Variants in RBFOX1 observed in about 807,000 individuals in gnomAD.
RBFOX1 encodes the protein RNA binding protein fox-1 homolog 1.
Under a neutral mutation model 57.7 loss-of-function variants are expected in RBFOX1, and 8 were observed. The observed-to-expected ratio is 0.14, with a 90% CI of 0.08 to 0.25. The LOEUF (loss-of-function observed/expected upper bound fraction) is 0.25, where lower values mean the gene tolerates loss of function less well. Ranked by LOEUF, RBFOX1 falls within the 10% of genes least tolerant of loss-of-function variation. RBFOX1 has a pLI of 1.00. For synonymous variants in RBFOX1, 326 were observed against 222.4 expected, an observed-to-expected ratio of 1.47 and a Z score of -4.15; for missense variants, 611 against 548.5, an observed-to-expected ratio of 1.11 and a Z score of -1.14.
chr16:5,979,237 A>T (rs563191903), intron 4 of RBFOX1, among the ~76,000 whole-genome samples: 1 of 152,256 alleles, frequency 6.6e-6, no homozygotes, highest in East Asian at 1.9e-4. Context: ...ACGTTTCTGG[A>T]ATGGAGGATT....
chr16:6,226,747 T>G (rs754115869), intron 1 of RBFOX1, among the ~76,000 whole-genome samples: 20 of 152,236 alleles, frequency 1.3e-4, no homozygotes, highest in Non-Finnish European at 2.2e-4. Context: ...CTCACTTTCT[T>G]TCATCTTTAA....
At chr16:7,244,926 C>T (rs2094226935) in intron 4 of RBFOX1, among the ~76,000 whole-genome samples, 1 of 152,166 alleles carries the variant, frequency 6.6e-6, no homozygotes, top group Non-Finnish European at 1.5e-5. Context: ...ATTGGTGTTT[C>T]ATGTCAGAGG....
At chr16:5,272,262 A>G (rs546833429) in intron 1 of RBFOX1, among the ~76,000 whole-genome samples, 3 of 152,372 alleles carry the variant, frequency 2.0e-5, no homozygotes, top group East Asian at 3.9e-4. Context: ...GGGGATGGAC[A>G]TGTTAATTAG....
intron 3 of RBFOX1, among the ~76,000 whole-genome samples, chr16:5,828,995 G>A (rs2056171722): frequency 6.6e-6 from 1 of 152,186 alleles, no homozygotes; most frequent in South Asian, 2.1e-4. Flanking sequence ...CAGTTGAAGT[G>A]TATTGCTAGG....
chr16:6,450,801 G>GTATATATATATA (rs1186562440), intron 2 of RBFOX1, among the ~76,000 whole-genome samples: 1 of 16,462 alleles, frequency 6.1e-5, no homozygotes, highest in Non-Finnish European at 1.2e-4. Flanking sequence ...ATATATATAT[G>GTATATATATATA]TATATATATA....
chr16:6,071,314 C>A (rs534022925), intron 1 of RBFOX1, among the ~76,000 whole-genome samples: 1 of 152,278 alleles, frequency 6.6e-6, no homozygotes, highest in Non-Finnish European at 1.5e-5. Context: ...GAGTGAGACC[C>A]TGTCTCCAAA....
intron 3 of RBFOX1, among the ~76,000 whole-genome samples, chr16:7,043,767 T>C (rs1246574266): frequency 6.6e-6 from 1 of 152,216 alleles, no homozygotes; most frequent in African/African-American, 2.4e-5. Flanking sequence ...CTTTCCCCAG[T>C]TCAAGTTAAT....
At chr16:5,589,561 G>T (rs2046939567) in intron 2 of RBFOX1, among the ~76,000 whole-genome samples, 1 of 152,174 alleles carries the variant, frequency 6.6e-6, no homozygotes, top group Non-Finnish European at 1.5e-5. Flanking sequence ...TTGGACTCCA[G>T]AGCCTGTTTA....
chr16:7,503,585 G>C (rs994635562), intron 4 of RBFOX1, among the ~76,000 whole-genome samples: 13 of 152,194 alleles, frequency 8.5e-5, no homozygotes, highest in Non-Finnish European at 1.5e-4. Flanking sequence ...ATTTGACACT[G>C]ATGTTACTCT....
chr16:5,437,281 T>G (rs1308616303), intron 1 of RBFOX1, among the ~76,000 whole-genome samples: 1 of 152,186 alleles, frequency 6.6e-6, no homozygotes, highest in Non-Finnish European at 1.5e-5. Context: ...GCCAAAGTCA[T>G]TGTCACTCTG....
intron 1 of RBFOX1, among the ~76,000 whole-genome samples, chr16:5,299,091 C>A (rs4786663): frequency 0.63 from 94,788 of 149,618 alleles, 30,566 homozygotes; most frequent in South Asian, 0.73. Context: ...ACAACCCTGT[C>A]GCCTTCCAGG....
intron 1 of RBFOX1, among the ~76,000 whole-genome samples, chr16:6,128,292 G>A (rs945493510): frequency 5.3e-5 from 8 of 151,776 alleles, no homozygotes; most frequent in South Asian, 2.1e-4. Flanking sequence ...ATTTAAAATC[G>A]TATATATCTT....
intron 2 of RBFOX1, among the ~76,000 whole-genome samples, chr16:6,465,791 CA>C (rs1223725851): frequency 1.3e-5 from 2 of 150,542 alleles, no homozygotes; most frequent in Non-Finnish European, 2.9e-5. Flanking sequence ...CTTTGCAGGA[CA>C]AAAGAAATGC....
At chr16:6,721,676 G>A (rs1261301983) in intron 3 of RBFOX1, 1 of 152,052 alleles carries the variant, frequency 6.6e-6, no homozygotes, top group Non-Finnish European at 1.5e-5. Flanking sequence ...TACATGAGTA[G>A]AATCACACAG....
At chr16:6,316,138 C>G (rs1054579063) in intron 1 of RBFOX1, among the ~76,000 whole-genome samples, 3 of 152,160 alleles carry the variant, frequency 2.0e-5, no homozygotes, top group African/African-American at 7.2e-5. Flanking sequence ...GTCTCTGCTA[C>G]TTAAGTTTCT....
intron 4 of RBFOX1, among the ~76,000 whole-genome samples, chr16:7,121,181 T>G (rs2067099077): frequency 6.6e-6 from 1 of 152,080 alleles, no homozygotes; most frequent in Non-Finnish European, 1.5e-5. Flanking sequence ...AAAAAGTGAC[T>G]GCTATCTCCA....
intron 4 of RBFOX1, among the ~76,000 whole-genome samples, chr16:7,159,425 C>G (rs1406720999): frequency 6.6e-6 from 1 of 152,190 alleles, no homozygotes; most frequent in Middle Eastern, 3.4e-3. Flanking sequence ...GGATTAGCAT[C>G]TATGTCACTC....
chr16:6,651,809 A>G (rs749748286), intron 2 of RBFOX1, among the ~76,000 whole-genome samples: 1 of 152,208 alleles, frequency 6.6e-6, no homozygotes, highest in Non-Finnish European at 1.5e-5. Flanking sequence ...AACAGCCCAA[A>G]TATCTATCCA....
At chr16:7,693,769 G>C (rs560111323) in intron 14 of RBFOX1, among the ~76,000 whole-genome samples, 48 of 152,168 alleles carry the variant, frequency 3.2e-4, no homozygotes, top group African/African-American at 1.1e-3. Flanking sequence ...TGAATTATTT[G>C]GGATCTTTAT....
Sources: allele counts gnomAD v4.1 joint callset (sites outside exome capture counted in the v4.1 genomes callset), GRCh38; gene constraint gnomAD v4.1.1; transcripts MANE v1.5; gene names NCBI Gene and HGNC (gene_info 2026-07-23, HGNC 2026-07-21).